Variants in CSMD1 observed in about 807,000 individuals in gnomAD.
CSMD1 encodes CUB and sushi domain-containing protein 1.
CSMD1 carries 213 observed loss-of-function variants against 417.5 expected under a neutral mutation model. That is an observed-to-expected ratio of 0.51 (90% CI 0.46 to 0.57). CSMD1 has a LOEUF of 0.57. Ranked by LOEUF, CSMD1 falls within the 20% of genes least tolerant of loss-of-function variation. The probability of loss-of-function intolerance (pLI) is 0.00; values close to 1 mark genes in which losing one functional copy is unlikely to be tolerated. For missense variants in CSMD1, 6,923 were observed against 4,529.7 expected, an observed-to-expected ratio of 1.53 and a Z score of -15.17; for synonymous variants, 2,862 against 1,736.8, an observed-to-expected ratio of 1.65 and a Z score of -16.11.
chr8:3,349,905 T>TA (rs35962178), intron 21 of CSMD1, among the ~76,000 whole-genome samples: 76,399 of 141,128 alleles, frequency 0.54, 20,842 homozygotes, highest in Admixed American at 0.64. Flanking sequence ...AATATATATT[T>TA]ATATATATTT....
intron 12 of CSMD1, among the ~76,000 whole-genome samples, chr8:3,454,651 T>A (rs1190492207): frequency 2.0e-5 from 3 of 152,240 alleles, no homozygotes; most frequent in African/African-American, 7.2e-5. Flanking sequence ...CCCACTCTCT[T>A]CTGGCTTGTA....
At chr8:3,826,105 C>T (rs1468859190) in intron 5 of CSMD1, among the ~76,000 whole-genome samples, 1 of 152,112 alleles carries the variant, frequency 6.6e-6, no homozygotes, top group Non-Finnish European at 1.5e-5. Context: ...GCTTCTGTAA[C>T]AATAAACCGG....
chr8:4,345,571 C>G (rs1800732429), intron 3 of CSMD1, among the ~76,000 whole-genome samples: 1 of 151,920 alleles, frequency 6.6e-6, no homozygotes, highest in Admixed American at 6.6e-5. Flanking sequence ...GGACAAAGCA[C>G]TAATATCTAA....
At position 3,601,301 on chromosome 8, in the gene CSMD1, C is replaced by G. The variant is rs543876093; in HGVS notation, c.1098-15041G>C. On this transcript the variant is annotated intron_variant, in intron 8 of 69. Coordinates refer to ENST00000635120, the MANE Select transcript of CSMD1 (RefSeq NM_033225.6). Reference sequence around the variant, plus strand: ...TGCTGCGGGGAAACAAATCAGCTGTCCTTATTCTTCCAGCTTCTGCAGACA... The same window carrying G: ...TGCTGCGGGGAAACAAATCAGCTGTGCTTATTCTTCCAGCTTCTGCAGACA... Among the ~76,000 whole-genome samples, 3 of 152,294 alleles carry G rather than the reference C, an allele frequency of 2.0e-5. No homozygotes were observed. In the East Asian group the frequency reaches 5.8e-4, roughly 29 times the overall value.
chr8:4,584,087 C>T (rs555869201), intron 2 of CSMD1, among the ~76,000 whole-genome samples: 1 of 151,842 alleles, frequency 6.6e-6, no homozygotes, highest in Admixed American at 6.6e-5. Flanking sequence ...AGCAAGACCA[C>T]GAACCCACTA....
At chr8:3,324,352 A>C (rs960800759) in intron 23 of CSMD1, among the ~76,000 whole-genome samples, 4 of 150,290 alleles carry the variant, frequency 2.7e-5, no homozygotes, top group Admixed American at 1.3e-4. Context: ...AAATAGACAC[A>C]CATCTAATCC....
chr8:4,708,790 G>C (rs1367834377), intron 1 of CSMD1, among the ~76,000 whole-genome samples: 2 of 152,112 alleles, frequency 1.3e-5, no homozygotes, highest in African/African-American at 2.4e-5. Flanking sequence ...AGAAGATTTT[G>C]TAATAGATGT....
intron 3 of CSMD1, among the ~76,000 whole-genome samples, chr8:4,069,070 A>G (rs1443049401): frequency 2.0e-5 from 3 of 152,146 alleles, no homozygotes; most frequent in African/African-American, 7.2e-5. Flanking sequence ...CTCCTTCTTA[A>G]AACAATTTTA....
At chr8:4,685,782 G>A (rs554775445) in intron 1 of CSMD1, among the ~76,000 whole-genome samples, 3 of 152,232 alleles carry the variant, frequency 2.0e-5, no homozygotes, top group Admixed American at 1.3e-4. Flanking sequence ...ATATTTATTA[G>A]GTCGGTGCAA....
intron 3 of CSMD1, among the ~76,000 whole-genome samples, chr8:4,191,412 A>G (rs1391068169): frequency 1.3e-5 from 2 of 151,946 alleles, no homozygotes; most frequent in African/African-American, 4.8e-5. Flanking sequence ...AACAAAAAAC[A>G]AAACAAAACA....
At position 3,493,713 on chromosome 8, in the gene CSMD1, G is replaced by A. The variant is rs530405208; in HGVS notation, c.1358C>T (p.Ala453Val). 2.5e-6 allele frequency: 4 copies of A among 1,610,220 alleles called. No homozygotes were observed. Among genetic ancestry groups the A allele is most frequent in the East Asian group, 2.2e-5 (1 of 44,758 alleles). ...TTDPDKVIKL[A>V]FEEFELERGY... ...TCGCTCCAGCTCAAACTCTTCAAAG[G>A]CAAGCTTGATGACCTAAATACAAGG... Residue 453 changes from alanine to valine, a missense_variant, in exon 11 of 70, where the codon GCC (alanine) becomes GTC (valine). Coordinates refer to ENST00000635120, the MANE Select transcript of CSMD1 (RefSeq NM_033225.6).
chr8:4,538,026 C>A (rs1797187799), intron 2 of CSMD1, among the ~76,000 whole-genome samples: 1 of 152,132 alleles, frequency 6.6e-6, no homozygotes, highest in Non-Finnish European at 1.5e-5. Flanking sequence ...AATCACATAA[C>A]TGAGTATAAA....
intron 3 of CSMD1, among the ~76,000 whole-genome samples, chr8:4,222,895 G>A (rs958559391): frequency 2.6e-5 from 4 of 152,016 alleles, no homozygotes; most frequent in African/African-American, 4.8e-5. Flanking sequence ...AAAACTATGG[G>A]CAAGTGAAAG....
intron 5 of CSMD1, among the ~76,000 whole-genome samples, chr8:3,957,571 C>G (rs1191059057): frequency 2.6e-5 from 4 of 152,042 alleles, no homozygotes; most frequent in South Asian, 2.1e-4. Context: ...GTAGTCCCAG[C>G]TACTCAGAAG....
chr8:3,425,906 A>C (rs1473823762), intron 12 of CSMD1, among the ~76,000 whole-genome samples: 1 of 152,176 alleles, frequency 6.6e-6, no homozygotes, highest in African/African-American at 2.4e-5. Context: ...CATCTCTAAA[A>C]GGTGAGTAAT....
At chr8:4,430,610 A>C (rs1276839863) in intron 2 of CSMD1, among the ~76,000 whole-genome samples, 1 of 152,158 alleles carries the variant, frequency 6.6e-6, no homozygotes, top group African/African-American at 2.4e-5. Context: ...CAAGTTTGTC[A>C]AGAATTCAAC....
chr8:3,174,491 T>C (rs1820785535), intron 37 of CSMD1, among the ~76,000 whole-genome samples: 1 of 152,096 alleles, frequency 6.6e-6, no homozygotes, highest in Admixed American at 6.6e-5. Flanking sequence ...AGATTCTGTC[T>C]CAAAAAACAA....
At chr8:4,338,979 A>G (rs553635454) in intron 3 of CSMD1, among the ~76,000 whole-genome samples, 1 of 152,240 alleles carries the variant, frequency 6.6e-6, no homozygotes, top group Non-Finnish European at 1.5e-5. Context: ...CAATGATCAG[A>G]AAATGCTTTG....
chr8:4,301,014 A>G (rs1797953990), intron 3 of CSMD1, among the ~76,000 whole-genome samples: 1 of 152,206 alleles, frequency 6.6e-6, no homozygotes, highest in Non-Finnish European at 1.5e-5. Flanking sequence ...GTGTCTTTAT[A>G]GCAGCATGAT....
Sources: allele counts gnomAD v4.1 joint callset (sites outside exome capture counted in the v4.1 genomes callset), GRCh38; gene constraint gnomAD v4.1.1; transcripts MANE v1.5; gene names NCBI Gene and HGNC (gene_info 2026-07-23, HGNC 2026-07-21).